The following PSMD12 variants were observed in gnomAD, a reference collection of about 807,000 sequenced individuals.
PSMD12 encodes the protein proteasome 26S subunit, non-ATPase 12.
PSMD12 carries 8 observed loss-of-function variants against 62.9 expected under a neutral mutation model. The ratio of observed to expected loss-of-function variants is 0.13; its 90% CI spans 0.07 to 0.23. The LOEUF (loss-of-function observed/expected upper bound fraction) is 0.23, where lower values mean the gene tolerates loss of function less well. Among genes scored for constraint, PSMD12 ranks in the 10% least tolerant of loss-of-function variants. PSMD12 has a pLI of 1.00. For synonymous variants in PSMD12, 173 were observed against 187.4 expected (o/e 0.92, Z 0.63); for missense variants, 424 against 550.2 (o/e 0.77, Z 2.29).
chr17:67,363,208 G>A lies in PSMD12; in HGVS notation c.108+3204C>T, dbSNP rs867918482. Reference sequence around the variant, plus strand: ...ACTCTGTTGCCCAGGGTTCAGTGCAGTGATGCGATCATAGCTCACTGCAAC... The same window carrying A: ...ACTCTGTTGCCCAGGGTTCAGTGCAATGATGCGATCATAGCTCACTGCAAC... On this transcript the variant is annotated intron_variant, in intron 1 of 10. Coordinates refer to ENST00000356126, the MANE Select transcript of PSMD12 (RefSeq NM_002816.5). Among the ~76,000 whole-genome samples the A allele has an allele frequency of 2.0e-5, 3 of 152,172 alleles. No individual in the cohort carries two copies. The South Asian group carries it at 6.2e-4, about 31-fold the overall frequency.
chr17:67,352,300 C>T (rs994493163), intron 3 of PSMD12, among the ~76,000 whole-genome samples: 2 of 152,166 alleles, frequency 1.3e-5, no homozygotes, highest in South Asian at 4.1e-4. Context: ...GTCTCACCAT[C>T]TTCATGCCCA....
chr17:67,358,567 C>CAAAAAAAAAAAAA (rs398039153), intron 1 of PSMD12, among the ~76,000 whole-genome samples: 95 of 73,976 alleles, frequency 1.3e-3, no homozygotes, highest in Non-Finnish European at 1.5e-3. Flanking sequence ...GAACCTGTCT[C>CAAAAAAAAAAAAA]AAAAAAAAAA....
intron 3 of PSMD12, among the ~76,000 whole-genome samples, chr17:67,350,866 TCAG>T (rs1213724882): frequency 6.6e-6 from 1 of 152,172 alleles, no homozygotes; most frequent in Non-Finnish European, 1.5e-5. Flanking sequence ...AGGTCACAAA[TCAG>T]CAAACATTTT....
chr17:67,358,180 C>G (rs2042094512), intron 1 of PSMD12, among the ~76,000 whole-genome samples: 1 of 152,126 alleles, frequency 6.6e-6, no homozygotes, highest in Non-Finnish European at 1.5e-5. Context: ...ACCTCGGCCT[C>G]CCAAAGTGCT....
At chr17:67,347,723 T>C (rs2143697586) in intron 5 of PSMD12, among the ~76,000 whole-genome samples, 1 of 152,310 alleles carries the variant, frequency 6.6e-6, no homozygotes, top group South Asian at 2.1e-4. Context: ...GTGATTTGCA[T>C]AACCATCATC....
intron 10 of PSMD12, among the ~76,000 whole-genome samples, chr17:67,341,306 T>C (rs542033247): frequency 6.6e-6 from 1 of 151,388 alleles, no homozygotes; most frequent in East Asian, 1.9e-4. Flanking sequence ...CCATCTCTAC[T>C]AAAAATACCA....
intron 3 of PSMD12, among the ~76,000 whole-genome samples, chr17:67,351,317 G>T (rs746722209): frequency 6.6e-6 from 1 of 151,618 alleles, no homozygotes; most frequent in Non-Finnish European, 1.5e-5. Flanking sequence ...GTGTGAACCC[G>T]GGAGGCGGAG....
At chr17:67,343,475 G>A (rs1461426222) in intron 9 of PSMD12, among the ~76,000 whole-genome samples, 2 of 152,040 alleles carry the variant, frequency 1.3e-5, no homozygotes, top group Non-Finnish European at 2.9e-5. Context: ...TTGGTGCGCA[G>A]GCTGCCCTCC....
intron 1 of PSMD12, 21 bp from the exon 2 acceptor site, chr17:67,357,599 G>T: frequency 6.2e-7 from 1 of 1,602,930 alleles, no homozygotes; most frequent in South Asian, 1.1e-5. Flanking sequence ...AGATGAAAAT[G>T]AACAATAAAA....
At chr17:67,357,985 C>G (rs528261052) in intron 1 of PSMD12, among the ~76,000 whole-genome samples, 1 of 152,010 alleles carries the variant, frequency 6.6e-6, no homozygotes, top group East Asian at 1.9e-4. Flanking sequence ...GCAGTGGCAC[C>G]ATCTCGGCTC....
At chr17:67,361,921 AG>A (rs2042133733) in intron 1 of PSMD12, among the ~76,000 whole-genome samples, 1 of 118,448 alleles carries the variant, frequency 8.4e-6, no homozygotes, top group African/African-American at 3.1e-5. Context: ...GAAGGAAGGA[AG>A]GGAGGGAGGG....
intron 4 of PSMD12, among the ~76,000 whole-genome samples, chr17:67,349,343 G>T (rs1000568830): frequency 6.6e-5 from 10 of 152,140 alleles, no homozygotes; most frequent in Non-Finnish European, 1.5e-5. Flanking sequence ...CTTTAACCCA[G>T]CTATAAGAAT....
intron 5 of PSMD12, 151 bp downstream of exon 5, chr17:67,348,399 G>A: frequency 3.0e-6 from 2 of 669,082 alleles, no homozygotes. Context: ...TTTTCAGTAT[G>A]AAAAAAGATG....
intron 1 of PSMD12, among the ~76,000 whole-genome samples, chr17:67,359,701 A>G (rs1379762935): frequency 6.6e-6 from 1 of 152,182 alleles, no homozygotes; most frequent in Non-Finnish European, 1.5e-5. Context: ...AACTTATTTT[A>G]ATTAAATCTG....
chr17:67,352,261 A>C (rs7212453), intron 3 of PSMD12, among the ~76,000 whole-genome samples: 1 of 151,672 alleles, frequency 6.6e-6, no homozygotes, highest in African/African-American at 2.4e-5. Context: ...CTCAGCTAAT[A>C]TTTTTAAAGT....
chr17:67,364,861 G>C (rs2042164540), intron 1 of PSMD12, among the ~76,000 whole-genome samples: 1 of 152,114 alleles, frequency 6.6e-6, no homozygotes, highest in Non-Finnish European at 1.5e-5. Context: ...AAGATCTGCC[G>C]TCTCCTTTTC....
At chr17:67,353,314 C>A (rs542843373) in intron 3 of PSMD12, among the ~76,000 whole-genome samples, 111 of 151,578 alleles carry the variant, frequency 7.3e-4, no homozygotes, top group African/African-American at 1.3e-3. Flanking sequence ...TCCTTCCCCC[C>A]GCTCCCTCTC....
intron 3 of PSMD12, among the ~76,000 whole-genome samples, chr17:67,353,873 A>G (rs538247442): frequency 2.0e-5 from 3 of 152,224 alleles, no homozygotes; most frequent in East Asian, 1.9e-4. Flanking sequence ...CTAACTCAAC[A>G]TATTTTCTTC....
At chr17:67,342,939 C>CAA (rs11366514) in intron 9 of PSMD12, among the ~76,000 whole-genome samples, 4 of 102,674 alleles carry the variant, frequency 3.9e-5, no homozygotes, top group Non-Finnish European at 4.3e-5. Flanking sequence ...GACTCTCTTT[C>CAA]AAAAAAAAAA....
Sources: gnomAD v4.1 joint callset for allele counts (sites outside exome capture counted in the v4.1 genomes callset) on GRCh38, gnomAD v4.1.1 for gene constraint, MANE v1.5 for transcripts, NCBI Gene and HGNC (gene_info 2026-07-23, HGNC 2026-07-21) for gene names.